Variants in PTPRM observed in about 807,000 individuals in gnomAD.
PTPRM encodes receptor-type tyrosine-protein phosphatase mu.
PTPRM carries 47 observed loss-of-function variants against 186.7 expected under a neutral mutation model. The observed-to-expected ratio is 0.25, with a 90% confidence interval of 0.20 to 0.32. PTPRM has a LOEUF of 0.32. Ranked by LOEUF, PTPRM falls within the 10% of genes least tolerant of loss-of-function variation. PTPRM has a pLI of 1.00. For missense variants in PTPRM, 1,494 were observed against 1,865.0 expected, an observed-to-expected ratio of 0.80 and a Z score of 3.66; for synonymous variants, 668 against 674.9, an observed-to-expected ratio of 0.99 and a Z score of 0.16.
intron 1 of PTPRM, among the ~76,000 whole-genome samples, chr18:7,689,034 A>G (rs1400248282): frequency 1.3e-5 from 2 of 152,180 alleles, no homozygotes; most frequent in South Asian, 4.1e-4. Flanking sequence ...TGTAGTCCAA[A>G]CAGGATCTCA....
At chr18:8,181,195 GTC>G (rs1474358179) in intron 14 of PTPRM, among the ~76,000 whole-genome samples, 1 of 152,204 alleles carries the variant, frequency 6.6e-6, no homozygotes, top group Non-Finnish European at 1.5e-5. Flanking sequence ...TGAAAGCTAT[GTC>G]AGATGTTTTA....
rs62089869 is a variant in PTPRM at position 8,305,897 on chromosome 18, G to A, written c.2843-8884G>A. 3.4e-5 allele frequency among the ~76,000 whole-genome samples: 5 copies of A among 146,114 alleles called. No homozygotes were observed. In the Admixed American group the frequency reaches 3.6e-4, roughly 11 times the overall value. ...TGTTGCTTTTATTCACAGAAAAGGG[G>A]TAATTTTTTTTTTTTTTTGGATGGA... On this transcript the variant is annotated intron_variant, in intron 20 of 32. Coordinates refer to ENST00000580170, the MANE Select transcript of PTPRM (RefSeq NM_001105244.2).
intron 19 of PTPRM, chr18:8,270,173 G>A (rs2094752759): frequency 6.6e-6 from 1 of 151,330 alleles, no homozygotes; most frequent in African/African-American, 2.4e-5. Context: ...TATATTTGAA[G>A]ACCGTATATC....
chr18:7,961,263 C>G (rs1167670345), intron 7 of PTPRM, among the ~76,000 whole-genome samples: 1 of 152,188 alleles, frequency 6.6e-6, no homozygotes, highest in Non-Finnish European at 1.5e-5. Context: ...ACTGCATCCA[C>G]TAAACACTAA....
intron 7 of PTPRM, among the ~76,000 whole-genome samples, chr18:8,031,375 C>G (rs1304486024): frequency 6.6e-6 from 1 of 152,060 alleles, no homozygotes; most frequent in Non-Finnish European, 1.5e-5. Flanking sequence ...AAACAGGTGT[C>G]AAGTTTGATA....
chr18:7,800,765 A>G (rs75471892), intron 2 of PTPRM, among the ~76,000 whole-genome samples: 3,956 of 152,284 alleles, frequency 0.026, 176 homozygotes, highest in African/African-American at 0.089. Context: ...ACAAACCTAG[A>G]TAGTAGAGCC....
intron 22 of PTPRM, 101 bp from the exon 23 acceptor site, chr18:8,343,322 G>A (rs1393267510): frequency 2.3e-6 from 2 of 887,666 alleles, no homozygotes; most frequent in Admixed American, 4.6e-5. Flanking sequence ...ACAAGTGAGG[G>A]AACTGCATGT....
chr18:7,823,924 A>G (rs978272443), intron 2 of PTPRM, among the ~76,000 whole-genome samples: 2 of 152,070 alleles, frequency 1.3e-5, no homozygotes, highest in Non-Finnish European at 2.9e-5. Flanking sequence ...CCTCTAGAGA[A>G]CCCTGACTAA....
intron 7 of PTPRM, among the ~76,000 whole-genome samples, chr18:8,025,479 G>A (rs2085513410): frequency 6.6e-6 from 1 of 152,132 alleles, no homozygotes; most frequent in Non-Finnish European, 1.5e-5. Flanking sequence ...TTTCTTCTTT[G>A]TGTTACTCAA....
intron 1 of PTPRM, among the ~76,000 whole-genome samples, chr18:7,632,123 A>G (rs1429916748): frequency 2.6e-5 from 4 of 152,194 alleles, no homozygotes; most frequent in African/African-American, 9.6e-5. Context: ...AATCAGCACA[A>G]GGGGAGTTGA....
At chr18:8,316,944 G>A (rs746623363) in intron 21 of PTPRM, among the ~76,000 whole-genome samples, 12 of 152,158 alleles carry the variant, frequency 7.9e-5, no homozygotes, top group Non-Finnish European at 1.8e-4. Flanking sequence ...TGTGCCTGGC[G>A]ATTTTGAAGA....
intron 23 of PTPRM, among the ~76,000 whole-genome samples, chr18:8,353,386 A>G (rs2095546370): frequency 6.6e-6 from 1 of 152,200 alleles, no homozygotes; most frequent in Non-Finnish European, 1.5e-5. Context: ...GTGACCATTA[A>G]GAAAAGGCTG....
At chr18:7,717,994 C>G (rs930759715) in intron 1 of PTPRM, among the ~76,000 whole-genome samples, 3 of 151,930 alleles carry the variant, frequency 2.0e-5, no homozygotes, top group African/African-American at 7.2e-5. Context: ...TGTTGAGAGT[C>G]TCATGAAGGG....
At chr18:8,389,721 A>T (rs1046371463) in intron 31 of PTPRM, among the ~76,000 whole-genome samples, 1 of 152,186 alleles carries the variant, frequency 6.6e-6, no homozygotes, top group Non-Finnish European at 1.5e-5. Context: ...GCTATAAGAA[A>T]CAAAGTTAGT....
At chr18:7,663,828 C>T (rs1305339547) in intron 1 of PTPRM, among the ~76,000 whole-genome samples, 1 of 152,202 alleles carries the variant, frequency 6.6e-6, no homozygotes. Context: ...CAGAGCAGAC[C>T]GTCATAGGCA....
chr18:8,305,366 A>G (rs2095210451), intron 20 of PTPRM, among the ~76,000 whole-genome samples: 3 of 152,214 alleles, frequency 2.0e-5, no homozygotes, highest in African/African-American at 7.2e-5. Context: ...AGTCATTGGC[A>G]CTAATAAGAC....
At chr18:8,145,529 A>G (rs1244468964) in intron 14 of PTPRM, among the ~76,000 whole-genome samples, 1 of 151,998 alleles carries the variant, frequency 6.6e-6, no homozygotes, top group African/African-American at 2.4e-5. Context: ...GTGTCCATGC[A>G]TTGTCATTGT....
chr18:8,265,765 T>C (rs955829537), intron 19 of PTPRM, among the ~76,000 whole-genome samples: 5 of 152,196 alleles, frequency 3.3e-5, no homozygotes, highest in African/African-American at 1.2e-4. Flanking sequence ...TCTCTAACAC[T>C]GGAACATTGA....
At chr18:7,658,359 T>TATATATATATATATATATATATATATAC (rs1491198247) in intron 1 of PTPRM, among the ~76,000 whole-genome samples, 7 of 136,680 alleles carry the variant, frequency 5.1e-5, no homozygotes, top group African/African-American at 2.0e-4. Flanking sequence ...TATATATATA[T>TATATATATATATATATATATATATATAC]ACATACACAC....
Sources: gnomAD v4.1 joint callset for allele counts (sites outside exome capture counted in the v4.1 genomes callset) on GRCh38, gnomAD v4.1.1 for gene constraint, MANE v1.5 for transcripts, NCBI Gene and HGNC (gene_info 2026-07-23, HGNC 2026-07-21) for gene names.